The following NXPH1 variants were observed in gnomAD, a reference collection of about 807,000 sequenced individuals.
NXPH1 encodes neurexophilin 1.
In NXPH1, 5 loss-of-function variants were observed where a neutral mutation model predicts 23.7. The ratio of observed to expected loss-of-function variants is 0.21; its 90% confidence interval spans 0.11 to 0.44. The LOEUF is 0.44. Ranked by LOEUF, NXPH1 falls within the 20% of genes least tolerant of loss-of-function variation. The pLI, the probability that NXPH1 is intolerant of heterozygous loss-of-function variation, is 0.99. For missense variants in NXPH1, 324 were observed against 321.6 expected (o/e 1.01, Z -0.06); for synonymous variants, 144 against 122.2 (o/e 1.18, Z -1.18).
intron 2 of NXPH1, among the ~76,000 whole-genome samples, chr7:8,602,008 A>G (rs542257121): frequency 9.2e-5 from 14 of 152,318 alleles, no homozygotes; most frequent in Non-Finnish European, 1.9e-4. Flanking sequence ...TCTCTTATAT[A>G]TATGTTATAG....
At chr7:8,575,194 T>G (rs1295581967) in intron 2 of NXPH1, among the ~76,000 whole-genome samples, 1 of 152,176 alleles carries the variant, frequency 6.6e-6, no homozygotes, top group Non-Finnish European at 1.5e-5. Flanking sequence ...TCCATTTTTC[T>G]TTTGGCCAAT....
chr7:8,748,757 G>A (rs1780515554), intron 2 of NXPH1, among the ~76,000 whole-genome samples: 1 of 152,180 alleles, frequency 6.6e-6, no homozygotes, highest in Non-Finnish European at 1.5e-5. Context: ...TTTTCAGGGT[G>A]CTGTCATGGG....
chr7:8,718,902 G>A (rs911935997), intron 2 of NXPH1, among the ~76,000 whole-genome samples: 6 of 152,156 alleles, frequency 3.9e-5, no homozygotes, highest in Non-Finnish European at 7.4e-5. Context: ...CTACCTAACT[G>A]TATGAGGAAG....
chr7:8,586,791 T>G (rs1290814021), intron 2 of NXPH1, among the ~76,000 whole-genome samples: 1 of 152,136 alleles, frequency 6.6e-6, no homozygotes, highest in Non-Finnish European at 1.5e-5. Context: ...TGGTTTTCTG[T>G]GTTGTTTTAC....
At chr7:8,503,061 C>T (rs953380379) in intron 2 of NXPH1, among the ~76,000 whole-genome samples, 1 of 151,922 alleles carries the variant, frequency 6.6e-6, no homozygotes, top group African/African-American at 2.4e-5. Context: ...TTTTAGTGCC[C>T]TTTCATGATG....
At chr7:8,635,885 A>G (rs1820211685) in intron 2 of NXPH1, among the ~76,000 whole-genome samples, 1 of 152,154 alleles carries the variant, frequency 6.6e-6, no homozygotes, top group African/African-American at 2.4e-5. Context: ...GGGTTTTTAA[A>G]TGTGTACTAA....
At chr7:8,467,003 C>T (rs1011391316) in intron 2 of NXPH1, among the ~76,000 whole-genome samples, 10 of 152,216 alleles carry the variant, frequency 6.6e-5, no homozygotes, top group African/African-American at 2.2e-4. Context: ...ATAATAGCCT[C>T]CCCTCCTTCC....
intron 2 of NXPH1, among the ~76,000 whole-genome samples, chr7:8,653,063 T>C (rs1306735077): frequency 6.6e-6 from 1 of 152,200 alleles, no homozygotes; most frequent in East Asian, 1.9e-4. Context: ...TTTTAAGTTT[T>C]CACAAATCTA....
At chr7:8,701,921 G>C (rs1779629344) in intron 2 of NXPH1, among the ~76,000 whole-genome samples, 2 of 151,832 alleles carry the variant, frequency 1.3e-5, no homozygotes, top group African/African-American at 4.8e-5. Context: ...TAAGCATCTA[G>C]AACAGTCTTC....
intron 2 of NXPH1, among the ~76,000 whole-genome samples, chr7:8,512,471 G>T (rs1817627537): frequency 6.6e-6 from 1 of 152,040 alleles, no homozygotes; most frequent in African/African-American, 2.4e-5. Flanking sequence ...CAATACTGTG[G>T]CTCATCAACT....
chr7:8,509,983 TG>T (rs1466209660), intron 2 of NXPH1, among the ~76,000 whole-genome samples: 2 of 152,144 alleles, frequency 1.3e-5, no homozygotes, highest in East Asian at 1.9e-4. Flanking sequence ...AATACTACAG[TG>T]AAAGATTCTA....
rs575843330 is a variant in NXPH1, at chr7:8,484,678, A to G, written c.54+48911A>G. On this transcript the variant is annotated intron_variant, in intron 2 of 2. Transcript: ENST00000405863. ...GCTTTTAAAAAATGATGAAAACTCA[A>G]GGTATCACTTTTGAGAAGTAGTAAT... Among the ~76,000 whole-genome samples the G allele has an allele frequency of 2.6e-4, 39 of 152,328 alleles. 1 individual carries two copies. The South Asian group carries it at 7.4e-3, about 29-fold the overall frequency.
Position 8,752,355 on chromosome 7 carries a change from T to G in NXPH1, c.*586T>G, listed in dbSNP as rs1780580058. 6.5e-6 allele frequency: 1 copy of G among 152,930 alleles called. No homozygotes were observed. Among genetic ancestry groups the G allele is most frequent in the African/African-American group, 2.4e-5 (1 of 41,432 alleles). 9.5% of individuals were successfully genotyped at this position (152,930 alleles called of 1,614,324 possible). A position where few individuals can be genotyped will look rare whatever the true frequency, so the allele number is the denominator to read the frequency against. On this transcript the variant is annotated 3_prime_UTR_variant, in exon 3 of 3. Transcript: ENST00000405863. The stretch of plus-strand genomic sequence containing the variant: ...TACAAACACAACAAAATGTAGTAAC[T>G]TTTTTCCAGCATACAGTAGGCACAT...
intron 2 of NXPH1, among the ~76,000 whole-genome samples, chr7:8,718,173 AAG>A (rs1305650234): frequency 3.3e-5 from 5 of 151,706 alleles, no homozygotes; most frequent in African/African-American, 1.2e-4. Flanking sequence ...TACAGTGACA[AAG>A]AGATATTTCT....
At chr7:8,547,935 T>C (rs147582108) in intron 2 of NXPH1, among the ~76,000 whole-genome samples, 2,011 of 151,652 alleles carry the variant, frequency 0.013, 43 homozygotes, top group African/African-American at 0.044. Context: ...TCGCGAATAG[T>C]GCTTCAATGA....
intron 2 of NXPH1, among the ~76,000 whole-genome samples, chr7:8,557,856 A>C (rs1818385299): frequency 1.3e-5 from 2 of 151,682 alleles, no homozygotes; most frequent in Non-Finnish European, 1.5e-5. Flanking sequence ...CTGCAGATTT[A>C]GTACCATGTA....
intron 2 of NXPH1, among the ~76,000 whole-genome samples, chr7:8,710,744 G>A (rs944424394): frequency 8.1e-6 from 1 of 123,442 alleles, no homozygotes; most frequent in African/African-American, 3.5e-5. Context: ...CTCACTGCAA[G>A]CTCCGCTTCC....
At chr7:8,439,776 C>T (rs1425256422) in intron 2 of NXPH1, among the ~76,000 whole-genome samples, 1 of 152,122 alleles carries the variant, frequency 6.6e-6, no homozygotes, top group Non-Finnish European at 1.5e-5. Flanking sequence ...AAAGCTAGAT[C>T]ATTTGGGTGA....
intron 2 of NXPH1, among the ~76,000 whole-genome samples, chr7:8,714,329 T>C (rs1189742584): frequency 2.0e-5 from 3 of 151,742 alleles, no homozygotes; most frequent in Admixed American, 6.6e-5. Context: ...TGACTCACCC[T>C]TCAGGGAAGT....
Sources: allele counts gnomAD v4.1 joint callset (sites outside exome capture counted in the v4.1 genomes callset), GRCh38; gene constraint gnomAD v4.1.1; transcripts MANE v1.5; gene names NCBI Gene and HGNC (gene_info 2026-07-23, HGNC 2026-07-21).